RAD51B: variants seen among roughly 807,000 people sequenced by gnomAD.
RAD51B encodes the protein DNA repair protein RAD51 homolog 2.
A neutral mutation model predicts 42.2 loss-of-function variants in RAD51B; 38 were observed. The observed-to-expected ratio is 0.90, with a 90% confidence interval of 0.70 to 1.18. The LOEUF (loss-of-function observed/expected upper bound fraction) is 1.18, where lower values mean the gene tolerates loss of function less well. RAD51B is among the 50% of genes most tolerant of loss of function. The pLI is 0.00. For synonymous variants in RAD51B, 154 were observed against 145.2 expected, an observed-to-expected ratio of 1.06 and a Z score of -0.43; for missense variants, 373 against 400.7, an observed-to-expected ratio of 0.93 and a Z score of 0.59.
chr14:68,626,801 G>A (rs767353218), intron 10 of RAD51B, among the ~76,000 whole-genome samples: 3 of 152,190 alleles, frequency 2.0e-5, no homozygotes, highest in South Asian at 2.1e-4. Flanking sequence ...GTCACTATAG[G>A]TAGACCAGAT....
rs558174235 is a variant in RAD51B, at chr14:68,051,645, G to T, written c.756+164441G>T. On this transcript the variant is annotated intron_variant, in intron 7 of 10. Transcript: ENST00000471583. Reference sequence around the variant, plus strand: ...GGATCTTGCTTTGTTGCCCAGGCTGGAATATAGTATAAGCATGATCATAGC... The same window carrying T: ...GGATCTTGCTTTGTTGCCCAGGCTGTAATATAGTATAAGCATGATCATAGC... Among the ~76,000 whole-genome samples the T allele has an allele frequency of 6.7e-4, 101 of 151,828 alleles. 2 individuals carry two copies. In the South Asian group the frequency reaches 0.02, roughly 30 times the overall value.
At chr14:68,537,092 CAA>C (rs5809385) in intron 10 of RAD51B, among the ~76,000 whole-genome samples, 15 of 104,720 alleles carry the variant, frequency 1.4e-4, no homozygotes, top group Admixed American at 2.2e-4. Context: ...GGTCCTGTCT[CAA>C]AAAAAAAAAA....
At chr14:68,334,974 A>T (rs202067709) in intron 8 of RAD51B, among the ~76,000 whole-genome samples, 5,582 of 147,998 alleles carry the variant, frequency 0.038, 287 homozygotes, top group African/African-American at 0.1. Flanking sequence ...TATATATATA[A>T]AAAAACAAAC....
chr14:68,426,467 A>T (rs2084854224), intron 9 of RAD51B, among the ~76,000 whole-genome samples: 1 of 152,194 alleles, frequency 6.6e-6, no homozygotes. Flanking sequence ...GAAGTGGCAA[A>T]CAACTTGGTT....
chr14:68,307,401 G>A (rs919729164), intron 8 of RAD51B, among the ~76,000 whole-genome samples: 6 of 152,176 alleles, frequency 3.9e-5, no homozygotes, highest in African/African-American at 7.2e-5. Context: ...GAGCATATCC[G>A]ATTCACAGCC....
intron 10 of RAD51B, among the ~76,000 whole-genome samples, chr14:68,512,332 C>T (rs142040843): frequency 3.5e-4 from 53 of 152,280 alleles, no homozygotes; most frequent in African/African-American, 1.1e-3. Flanking sequence ...TGGGTCTCTC[C>T]GTCTGTTTCT....
rs976083004 is a variant in RAD51B at position 67,869,338 on chromosome 14, G to A, written c.452+4199G>A. On this transcript the variant is annotated intron_variant, in intron 5 of 10. Transcript: ENST00000471583. ...ATCAACTGGAAGAAAGGGTATCAGC[G>A]ATGGAAGATGAAAGGAATGAAATGA... Among the ~76,000 whole-genome samples, 5 of 152,310 alleles carry A rather than the reference G, an allele frequency of 3.3e-5. 1 individual carries two copies. The highest frequency in any genetic ancestry group is 6.8e-3 in the Middle Eastern group (2 of 294).
chr14:68,053,771 A>G (rs2076431321), intron 7 of RAD51B, among the ~76,000 whole-genome samples: 1 of 152,188 alleles, frequency 6.6e-6, no homozygotes, highest in South Asian at 2.1e-4. Context: ...GAATAACTCC[A>G]ATTCAGGTCC....
chr14:67,976,592 G>T (rs1445947496), intron 7 of RAD51B, among the ~76,000 whole-genome samples: 2 of 151,986 alleles, frequency 1.3e-5, no homozygotes, highest in African/African-American at 2.4e-5. Context: ...TTACATATTA[G>T]ACCTAAAACC....
intron 10 of RAD51B, among the ~76,000 whole-genome samples, chr14:68,586,248 G>C (rs537361870): frequency 5.2e-4 from 79 of 152,258 alleles, no homozygotes; most frequent in Non-Finnish European, 9.6e-4. Context: ...CAAGTAACCC[G>C]ATGGACCTGT....
chr14:68,435,492 G>GTTGT (rs1197077223), intron 9 of RAD51B, among the ~76,000 whole-genome samples: 1 of 128,150 alleles, frequency 7.8e-6, no homozygotes, highest in Admixed American at 7.9e-5. Context: ...GTGGTTTTTG[G>GTTGT]TTTTTTTTTT....
chr14:68,312,341 G>T (rs866822761), intron 8 of RAD51B, among the ~76,000 whole-genome samples: 2 of 152,180 alleles, frequency 1.3e-5, no homozygotes, highest in South Asian at 2.1e-4. Flanking sequence ...CTGCTTCTCT[G>T]CTGTCTTCTA....
In RAD51B at chr14:68,331,367, C is replaced by CAAAAAAAAAAAAAAA. The variant is rs778136542; in HGVS notation, c.853+39391_853+39405dup. Reference sequence around the variant, plus strand: ...TGGGCTACAGAACGAGACTCTGTCTCAAAAAAAAAAAAAAAAAAGCAATGG... The same window carrying CAAAAAAAAAAAAAAA: ...TGGGCTACAGAACGAGACTCTGTCTCAAAAAAAAAAAAAAAAAAAAAAAAAAAAAAAAAGCAATGG... On this transcript the variant is annotated intron_variant, in intron 8 of 10. Coordinates refer to ENST00000471583, the MANE Select transcript of RAD51B (RefSeq NM_133510.4). Among the ~76,000 whole-genome samples, 300 of 32,860 alleles carry CAAAAAAAAAAAAAAA rather than the reference C, an allele frequency of 9.1e-3. 40 individuals carry two copies. Among genetic ancestry groups the CAAAAAAAAAAAAAAA allele is most frequent in the African/African-American group, 0.017 (219 of 12,826 alleles). 21.6% of individuals were successfully genotyped at this position (32,860 alleles called of 152,430 possible). A position where few individuals can be genotyped will look rare whatever the true frequency, so the allele number is the denominator to read the frequency against.
intron 8 of RAD51B, among the ~76,000 whole-genome samples, chr14:68,367,913 G>A (rs1014389491): frequency 3.9e-5 from 6 of 152,200 alleles, no homozygotes; most frequent in African/African-American, 1.4e-4. Flanking sequence ...CTATTTTTAT[G>A]GCTGTGGACA....
At chr14:68,497,565 T>C in intron 10 of RAD51B, 1 of 1,028,620 alleles carries the variant, frequency 9.7e-7, no homozygotes, top group Non-Finnish European at 1.2e-6. Flanking sequence ...ATTAACCATT[T>C]TAAAGTAAAC....
At chr14:68,415,772 G>A (rs2084541738) in intron 9 of RAD51B, among the ~76,000 whole-genome samples, 2 of 152,086 alleles carry the variant, frequency 1.3e-5, no homozygotes, top group South Asian at 2.1e-4. Context: ...AGAAAAACTC[G>A]ATAAAAATAT....
At chr14:68,458,605 A>G (rs2140207899) in intron 9 of RAD51B, among the ~76,000 whole-genome samples, 1 of 151,662 alleles carries the variant, frequency 6.6e-6, no homozygotes, top group East Asian at 1.9e-4. Flanking sequence ...TTCTATGAGG[A>G]AATAGGATCT....
intron 8 of RAD51B, among the ~76,000 whole-genome samples, chr14:68,390,163 C>T (rs1480777332): frequency 6.6e-6 from 1 of 152,126 alleles, no homozygotes; most frequent in Non-Finnish European, 1.5e-5. Flanking sequence ...GCTGACTGTT[C>T]CTAAAATTTC....
At chr14:68,456,209 A>G (rs1026544348) in intron 9 of RAD51B, among the ~76,000 whole-genome samples, 2 of 152,330 alleles carry the variant, frequency 1.3e-5, no homozygotes, top group South Asian at 2.1e-4. Context: ...AAATAGCAAA[A>G]TGGCAGGCAT....
Sources: allele counts gnomAD v4.1 joint callset (sites outside exome capture counted in the v4.1 genomes callset), GRCh38; gene constraint gnomAD v4.1.1; transcripts MANE v1.5; gene names NCBI Gene and HGNC (gene_info 2026-07-23, HGNC 2026-07-21).